The following AKT3 variants were observed in gnomAD, a reference collection of about 807,000 sequenced individuals.
AKT3 encodes AKT serine/threonine kinase 3.
In AKT3, 15 loss-of-function variants were observed where a neutral mutation model predicts 65.3. The ratio of observed to expected loss-of-function variants is 0.23; its 90% confidence interval spans 0.15 to 0.35. The LOEUF (loss-of-function observed/expected upper bound fraction) is 0.35, where lower values mean the gene tolerates loss of function less well. Ranked by LOEUF, AKT3 falls within the 10% of genes least tolerant of loss-of-function variation. The pLI is 1.00. For synonymous variants in AKT3, 206 were observed against 183.8 expected, an observed-to-expected ratio of 1.12 and a Z score of -0.98; for missense variants, 243 against 576.5, an observed-to-expected ratio of 0.42 and a Z score of 5.92.
At chr1:243,699,685 A>C (rs980397643) in intron 2 of AKT3, among the ~76,000 whole-genome samples, 4 of 151,628 alleles carry the variant, frequency 2.6e-5, no homozygotes, top group Non-Finnish European at 4.4e-5. Flanking sequence ...TACGCACCCT[A>C]ATCCCAGGAA....
chr1:243,558,010 TAC>T (rs1673522395), intron 10 of AKT3, among the ~76,000 whole-genome samples: 1 of 152,106 alleles, frequency 6.6e-6, no homozygotes, highest in Non-Finnish European at 1.5e-5. Context: ...CTACATGTGC[TAC>T]TATTTTTACC....
intron 9 of AKT3, among the ~76,000 whole-genome samples, chr1:243,570,454 T>C (rs570537244): frequency 1.3e-5 from 2 of 152,348 alleles, no homozygotes; most frequent in East Asian, 3.9e-4. Context: ...GTTAATCCAA[T>C]GCATCCCCCC....
intron 8 of AKT3, among the ~76,000 whole-genome samples, chr1:243,573,527 A>G (rs180864390): frequency 7.2e-5 from 11 of 152,312 alleles, no homozygotes; most frequent in Admixed American, 4.6e-4. Flanking sequence ...ATTAATCATG[A>G]TATCTCTAAA....
intron 11 of AKT3, among the ~76,000 whole-genome samples, chr1:243,548,576 T>A (rs1038588337): frequency 6.6e-6 from 1 of 152,214 alleles, no homozygotes; most frequent in African/African-American, 2.4e-5. Flanking sequence ...ATATACAATT[T>A]AAGACTTCAA....
At chr1:243,636,589 A>G (rs919200760) in intron 6 of AKT3, among the ~76,000 whole-genome samples, 18 of 152,132 alleles carry the variant, frequency 1.2e-4, no homozygotes, top group African/African-American at 4.3e-4. Context: ...TTGGTTGCCC[A>G]ACACACTGCA....
intron 2 of AKT3, among the ~76,000 whole-genome samples, chr1:243,697,199 T>TA (rs912048644): frequency 2.0e-5 from 3 of 151,978 alleles, no homozygotes; most frequent in African/African-American, 7.2e-5. Context: ...CATATTTTTA[T>TA]AAAAAATAAC....
intron 12 of AKT3, among the ~76,000 whole-genome samples, chr1:243,541,735 G>A (rs1001982777): frequency 3.3e-5 from 5 of 152,122 alleles, no homozygotes; most frequent in African/African-American, 1.2e-4. Context: ...GAAAGGAAAT[G>A]CATACAGATT....
intron 11 of AKT3, among the ~76,000 whole-genome samples, chr1:243,549,220 G>C (rs1672878656): frequency 6.6e-6 from 1 of 152,102 alleles, no homozygotes; most frequent in African/African-American, 2.4e-5. Context: ...AGAAACTTCA[G>C]ACTCAGTGTA....
rs527975869 is a variant in AKT3 at position 243,806,962 on chromosome 1, G to A, written c.46+36163C>T. On this transcript the variant is annotated intron_variant, in intron 2 of 13. Transcript: ENST00000673466. ...AAGCAATTTCCCTATAATTCATAACGTAAAAACTGATTCAGGCAATATCAT... is the reference window on the plus strand; with the variant it reads ...AAGCAATTTCCCTATAATTCATAACATAAAAACTGATTCAGGCAATATCAT... Among the ~76,000 whole-genome samples, 93 of 152,194 alleles carry A rather than the reference G, an allele frequency of 6.1e-4. 1 individual carries two copies. The highest frequency in any genetic ancestry group is 1.4e-3 in the African/African-American group (57 of 41,518).
chr1:243,774,445 T>C (rs973479475), intron 2 of AKT3, among the ~76,000 whole-genome samples: 1 of 152,234 alleles, frequency 6.6e-6, no homozygotes, highest in Non-Finnish European at 1.5e-5. Context: ...CTGATGGTTA[T>C]TTTATGTTCA....
At chr1:243,527,821 G>A (rs530316358) in intron 12 of AKT3, among the ~76,000 whole-genome samples, 4 of 146,676 alleles carry the variant, frequency 2.7e-5, no homozygotes, top group African/African-American at 1.1e-4. Context: ...AGCTGTGATC[G>A]TGCCACTGCA....
At chr1:243,526,241 C>A (rs79367267) in intron 12 of AKT3, among the ~76,000 whole-genome samples, 19,571 of 151,988 alleles carry the variant, frequency 0.13, 1,471 homozygotes, top group East Asian at 0.27. Context: ...CAAGCTGGAG[C>A]CCAGGAGGAT....
At chr1:243,604,528 C>T (rs1677252005) in intron 8 of AKT3, among the ~76,000 whole-genome samples, 1 of 152,156 alleles carries the variant, frequency 6.6e-6, no homozygotes, top group African/African-American at 2.4e-5. Flanking sequence ...GCCATTTTAC[C>T]TGTGTAGGAA....
chr1:243,631,809 A>G (rs1423449414), intron 6 of AKT3, among the ~76,000 whole-genome samples: 1 of 152,184 alleles, frequency 6.6e-6, no homozygotes, highest in Non-Finnish European at 1.5e-5. Flanking sequence ...CATCTTCTCA[A>G]AGAGTAGATC....
chr1:243,565,500 C>G (rs1423513797), intron 9 of AKT3, among the ~76,000 whole-genome samples: 1 of 152,240 alleles, frequency 6.6e-6, no homozygotes, highest in Non-Finnish European at 1.5e-5. Context: ...TCTGGGATTA[C>G]AGGCATGAGC....
intron 2 of AKT3, among the ~76,000 whole-genome samples, chr1:243,821,032 A>T (rs562889120): frequency 1.3e-5 from 2 of 152,174 alleles, no homozygotes; most frequent in Non-Finnish European, 2.9e-5. Context: ...AAGCAGCCAG[A>T]GAGAAAGGCC....
intron 3 of AKT3, among the ~76,000 whole-genome samples, chr1:243,693,246 A>ATATATATATATG (rs1684828116): frequency 2.1e-4 from 5 of 24,114 alleles, no homozygotes; most frequent in African/African-American, 9.9e-4. Context: ...ACAATTTGAT[A>ATATATATATATG]TATATATATA....
chr1:243,632,995 G>A (rs59190278), intron 6 of AKT3, among the ~76,000 whole-genome samples: 1 of 152,118 alleles, frequency 6.6e-6, no homozygotes, highest in East Asian at 1.9e-4. Flanking sequence ...TTCCATATTA[G>A]CAATGAGTCT....
chr1:243,688,734 T>C (rs180728412), intron 3 of AKT3, among the ~76,000 whole-genome samples: 22 of 152,280 alleles, frequency 1.4e-4, no homozygotes, highest in African/African-American at 5.1e-4. Context: ...TTAAAAAAAT[T>C]GAATACTGAT....
Sources: gnomAD v4.1 joint callset for allele counts (sites outside exome capture counted in the v4.1 genomes callset) on GRCh38, gnomAD v4.1.1 for gene constraint, MANE v1.5 for transcripts, NCBI Gene and HGNC (gene_info 2026-07-23, HGNC 2026-07-21) for gene names.